DGKB: variants seen among roughly 807,000 people sequenced by gnomAD.
DGKB encodes the protein 90 kDa diacylglycerol kinase.
A neutral mutation model predicts 114.3 loss-of-function variants in DGKB; 67 were observed. That is an observed-to-expected ratio of 0.59 (90% confidence interval 0.48 to 0.72). The LOEUF (loss-of-function observed/expected upper bound fraction) is 0.72. DGKB is among the 30% of genes least tolerant of loss of function. The pLI, the probability that DGKB is intolerant of heterozygous loss-of-function variation, is 0.00. For missense variants in DGKB, 907 were observed against 975.2 expected (o/e 0.93, Z 0.93); for synonymous variants, 398 against 323.1 (o/e 1.23, Z -2.49).
At chr7:14,417,175 T>C (rs577164534) in intron 21 of DGKB, among the ~76,000 whole-genome samples, 2 of 152,228 alleles carry the variant, frequency 1.3e-5, no homozygotes, top group South Asian at 4.1e-4. Context: ...ATTAGGTGTT[T>C]TCCAAGATTA....
chr7:14,836,745 A>G (rs1042714576), intron 2 of DGKB, among the ~76,000 whole-genome samples: 8 of 152,260 alleles, frequency 5.3e-5, no homozygotes, highest in African/African-American at 1.9e-4. Context: ...AAACCGGAGC[A>G]CGGTCACAGC....
intron 17 of DGKB, among the ~76,000 whole-genome samples, chr7:14,585,728 T>G (rs1001579613): frequency 1.3e-5 from 2 of 152,200 alleles, no homozygotes; most frequent in Non-Finnish European, 2.9e-5. Context: ...CAGTGCCATG[T>G]TTTCCAACAG....
chr7:14,491,405 T>C (rs1784581374), intron 20 of DGKB, among the ~76,000 whole-genome samples: 1 of 152,066 alleles, frequency 6.6e-6, no homozygotes, highest in Non-Finnish European at 1.5e-5. Flanking sequence ...TGTGAATCCA[T>C]TAAATCTCTT....
At chr7:14,633,768 G>T (rs1810206944) in intron 13 of DGKB, among the ~76,000 whole-genome samples, 1 of 151,710 alleles carries the variant, frequency 6.6e-6, no homozygotes, top group Non-Finnish European at 1.5e-5. Flanking sequence ...ACAGAGGAAT[G>T]TGATTGATTT....
In DGKB at chr7:14,892,298, G is replaced by A. The variant is rs1341352681; in HGVS notation, c.-188+10294C>T. 1.3e-5 allele frequency among the ~76,000 whole-genome samples: 2 copies of A among 151,108 alleles called. 1 individual carries two copies. Among genetic ancestry groups the A allele is most frequent in the South Asian group, 4.2e-4 (2 of 4,806 alleles). On this transcript the variant is annotated intron_variant, in intron 1 of 25. Transcript: ENST00000402815. ...AGTAGAATGTCAGCGAAGGTAAGGC[G>A]ATTAAGGGATTTCTGCCAAGGATAA...
At chr7:14,652,778 A>C (rs1814851168) in intron 13 of DGKB, among the ~76,000 whole-genome samples, 1 of 152,210 alleles carries the variant, frequency 6.6e-6, no homozygotes, top group Non-Finnish European at 1.5e-5. Flanking sequence ...AATATCCAGA[A>C]TCTACAATGA....
Position 14,709,054 on chromosome 7 carries a change from G to A in DGKB, c.467-7324C>T, listed in dbSNP as rs1050190531. Reference sequence around the variant, plus strand: ...ACCTACAAAATGGGAGAAGATTTTCGCAACCTACTCATCTGACAAAGGGCT... The same window carrying A: ...ACCTACAAAATGGGAGAAGATTTTCACAACCTACTCATCTGACAAAGGGCT... On this transcript the variant is annotated intron_variant, in intron 6 of 25. Coordinates refer to ENST00000402815, the MANE Select transcript of DGKB (RefSeq NM_001350709.2). Among the ~76,000 whole-genome samples, 20 of 140,950 alleles carry A rather than the reference G, an allele frequency of 1.4e-4. 1 individual carries two copies. Among genetic ancestry groups the A allele is most frequent in the African/African-American group, 3.5e-4 (13 of 37,586 alleles). The allele number at this position is 140,950 out of a possible 152,430, so 92.5% of individuals were successfully genotyped here.
At chr7:14,661,055 A>G (rs1194226825) in intron 13 of DGKB, among the ~76,000 whole-genome samples, 1 of 151,280 alleles carries the variant, frequency 6.6e-6, no homozygotes, top group Non-Finnish European at 1.5e-5. Flanking sequence ...AAATCAATTC[A>G]AGATGGATTA....
At chr7:14,481,636 A>G (rs1414777309) in intron 20 of DGKB, among the ~76,000 whole-genome samples, 1 of 152,008 alleles carries the variant, frequency 6.6e-6, no homozygotes, top group Non-Finnish European at 1.5e-5. Context: ...AATGAGTGTC[A>G]TCAAGAGTTA....
At chr7:14,476,623 C>T (rs560674225) in intron 21 of DGKB, among the ~76,000 whole-genome samples, 50 of 151,284 alleles carry the variant, frequency 3.3e-4, no homozygotes, top group African/African-American at 8.7e-4. Flanking sequence ...ATTTTCTTTA[C>T]GATAAAAAGT....
intron 1 of DGKB, among the ~76,000 whole-genome samples, chr7:14,962,333 T>C (rs1786895302): frequency 6.6e-6 from 1 of 152,178 alleles, no homozygotes; most frequent in Non-Finnish European, 1.5e-5. Flanking sequence ...TTAAAAGATA[T>C]CCGACCTTTC....
intron 21 of DGKB, among the ~76,000 whole-genome samples, chr7:14,448,997 C>T (rs548438240): frequency 2.0e-5 from 3 of 152,134 alleles, no homozygotes; most frequent in South Asian, 2.1e-4. Flanking sequence ...CTGTAGGAAA[C>T]GGATGGGTGC....
At chr7:14,512,187 G>A (rs1413363681) in intron 20 of DGKB, among the ~76,000 whole-genome samples, 2 of 152,130 alleles carry the variant, frequency 1.3e-5, no homozygotes, top group East Asian at 3.9e-4. Context: ...ATAAAGCAGA[G>A]CACAATAAAA....
chr7:14,148,361 C>CTAT lies in DGKB; in HGVS notation c.*767_*769dup, dbSNP rs1411783505. ...TGATTAGGCACATAGTTTAAAACTT[C>CTAT]TATTTCGTTATTGGTGTGGTTATGA... is the stretch of plus-strand genomic sequence containing the variant. On this transcript the variant is annotated 3_prime_UTR_variant, in exon 26 of 26. Coordinates refer to ENST00000402815, the MANE Select transcript of DGKB (RefSeq NM_001350709.2). 6 of 152,534 alleles carry CTAT rather than the reference C, an allele frequency of 3.9e-5. No homozygotes were observed. Among genetic ancestry groups the CTAT allele is most frequent in the African/African-American group, 1.2e-4 (5 of 41,422 alleles). The allele number at this position is 152,534 out of a possible 1,614,324, so 9.4% of individuals were successfully genotyped here. A position where few individuals can be genotyped will look rare whatever the true frequency, so the allele number is the denominator to read the frequency against.
chr7:14,827,151 TCC>T (rs1465868465), intron 2 of DGKB, among the ~76,000 whole-genome samples: 2 of 152,146 alleles, frequency 1.3e-5, no homozygotes, highest in Non-Finnish European at 2.9e-5. Context: ...TTTTCACCCA[TCC>T]TGTGTATTCT....
At chr7:14,748,360 T>A (rs1383027034) in intron 4 of DGKB, among the ~76,000 whole-genome samples, 1 of 152,248 alleles carries the variant, frequency 6.6e-6, no homozygotes, top group African/African-American at 2.4e-5. Flanking sequence ...TGCAGTTTTT[T>A]AAATCCAATT....
chr7:14,427,283 C>T (rs924950017), intron 21 of DGKB, among the ~76,000 whole-genome samples: 1 of 152,104 alleles, frequency 6.6e-6, no homozygotes, highest in Non-Finnish European at 1.5e-5. Flanking sequence ...GTCACCTATG[C>T]TTCACTTCCC....
intron 21 of DGKB, among the ~76,000 whole-genome samples, chr7:14,465,728 C>A (rs1407106525): frequency 6.6e-6 from 1 of 152,014 alleles, no homozygotes; most frequent in Non-Finnish European, 1.5e-5. Flanking sequence ...CCAGGGAGCC[C>A]TAACTAGCAC....
At chr7:14,717,708 T>TC (rs1333738879) in intron 6 of DGKB, among the ~76,000 whole-genome samples, 1 of 152,108 alleles carries the variant, frequency 6.6e-6, no homozygotes, top group Non-Finnish European at 1.5e-5. Context: ...ATTTGTTATC[T>TC]TCACTATCAT....
Sources: gnomAD v4.1 joint callset for allele counts (sites outside exome capture counted in the v4.1 genomes callset) on GRCh38, gnomAD v4.1.1 for gene constraint, MANE v1.5 for transcripts, NCBI Gene and HGNC (gene_info 2026-07-23, HGNC 2026-07-21) for gene names.